BCAR1: variants seen among roughly 807,000 people sequenced by gnomAD.
BCAR1 encodes the protein BCAR1 scaffold protein, Cas family member.
BCAR1 carries 30 observed loss-of-function variants against 67.6 expected under a neutral mutation model. That is an observed-to-expected ratio of 0.44 (90% confidence interval 0.33 to 0.60). The LOEUF is 0.60. Among genes scored for constraint, BCAR1 ranks in the 20% least tolerant of loss-of-function variants. BCAR1 has a pLI of 0.02. For synonymous variants in BCAR1, 626 were observed against 556.7 expected (o/e 1.12, Z -1.75); for missense variants, 1,313 against 1,222.3 (o/e 1.07, Z -1.11).
In BCAR1 at chr16:75,229,410, G is replaced by GCACAGC; in HGVS notation, c.*100_*101insGCTGTG. The GCACAGC allele has an allele frequency of 7.1e-7, 1 of 1,412,908 alleles. No homozygotes were observed. Among genetic ancestry groups the GCACAGC allele is most frequent in the Non-Finnish European group, 9.3e-7 (1 of 1,078,640 alleles). 87.5% of individuals were successfully genotyped at this position (1,412,908 alleles called of 1,614,324 possible). A position where few individuals can be genotyped will look rare whatever the true frequency, so the allele number is the denominator to read the frequency against. ...GGCACCAGGACCGACGCAGAGCTGG[G>GCACAGC]GTCCTGTCCCTAAGCCTGTGGCACA... is the stretch of plus-strand genomic sequence containing the variant. On this transcript the variant is annotated 3_prime_UTR_variant, in exon 7 of 7. Transcript: ENST00000162330.
intron 1 of BCAR1, among the ~76,000 whole-genome samples, chr16:75,244,897 A>G (rs1035540): frequency 0.88 from 133,869 of 152,308 alleles, 59,259 homozygotes; most frequent in East Asian, 0.98. Flanking sequence ...CGTAAAGACA[A>G]GAGAGGGTCA....
At chr16:75,230,128 C>CTT in intron 6 of BCAR1, 105 bp from the exon 7 acceptor site, 1 of 1,387,686 alleles carries the variant, frequency 7.2e-7, no homozygotes, top group Non-Finnish European at 9.7e-7. Context: ...AGGGCCGCTA[C>CTT]TCAGAGTGCA....
Position 75,243,419 on chromosome 16 carries a change from C to T in BCAR1, c.13-329G>A, listed in dbSNP as rs375131510. ...GGCCACTCTGCTACCTGGACCAACACAAGGAGAGCGGCAGTAATCACGACA... is the reference window on the plus strand; with the variant it reads ...GGCCACTCTGCTACCTGGACCAACATAAGGAGAGCGGCAGTAATCACGACA... On this transcript the variant is annotated intron_variant, in intron 1 of 6. Coordinates refer to ENST00000162330, the MANE Select transcript of BCAR1 (RefSeq NM_014567.5). 2.3e-5 allele frequency: 14 copies of T among 602,368 alleles called. No homozygotes were observed. The East Asian group carries it at 2.9e-4, about 13-fold the overall frequency. The allele number at this position is 602,368 out of a possible 1,614,324, so 37.3% of individuals were successfully genotyped here.
At chr16:75,252,706 A>G (rs1363237175), upstream of BCAR1, among the ~76,000 whole-genome samples, 4 of 152,228 alleles carry the variant, frequency 2.6e-5, no homozygotes, top group African/African-American at 9.6e-5. Context: ...GGCTTCACGC[A>G]GCAGAGAATT....
At position 75,232,438 on chromosome 16, in the gene BCAR1, G is replaced by C. The variant is rs539084389; in HGVS notation, c.2100+1408C>G. ...GCCTCCCAATGTGCTGGGATTACAA[G>C]TGTGAGCCACTGTGCCTGGCCACAA... On this transcript the variant is annotated intron_variant, in intron 6 of 6. Coordinates refer to ENST00000162330, the MANE Select transcript of BCAR1 (RefSeq NM_014567.5). Among the ~76,000 whole-genome samples, 6 of 152,336 alleles carry C rather than the reference G, an allele frequency of 3.9e-5. No homozygotes were observed. In the South Asian group the frequency reaches 6.2e-4, roughly 16 times the overall value.
At position 75,234,060 on chromosome 16, in the gene BCAR1, CGCACACGTGGACGCACACACACACTA is replaced by C. The variant is rs1339554287; in HGVS notation, c.2011-151_2011-126del. ...GGTGCTGCGTGTGCGCGCACACACA[CGCACACGTGGACGCACACACACACTA>C]GCACACGTGGACACACACACACACA... is the stretch of plus-strand genomic sequence containing the variant. On this transcript the variant is annotated intron_variant, in intron 5 of 6. Transcript: ENST00000162330. 84 of 815,352 alleles carry C rather than the reference CGCACACGTGGACGCACACACACACTA, an allele frequency of 1.0e-4. 1 individual carries two copies. Among genetic ancestry groups the C allele is most frequent in the South Asian group, 3.1e-5 (2 of 64,358 alleles). 50.5% of individuals were successfully genotyped at this position (815,352 alleles called of 1,614,324 possible). A position where few individuals can be genotyped will look rare whatever the true frequency, so the allele number is the denominator to read the frequency against.
chr16:75,232,115 C>G (rs1189917787), intron 6 of BCAR1, among the ~76,000 whole-genome samples: 10 of 151,846 alleles, frequency 6.6e-5, no homozygotes, highest in Non-Finnish European at 1.5e-5. Context: ...AACTCCCGAC[C>G]TCAGGTGATC....
At chr16:75,253,660 C>G (rs746672339), upstream of BCAR1, among the ~76,000 whole-genome samples, 5 of 152,242 alleles carry the variant, frequency 3.3e-5, no homozygotes, top group Non-Finnish European at 4.4e-5. Context: ...CCCCCAAAAG[C>G]CTGTGCCTCC....
chr16:75,254,522 G>A (rs1000924046), upstream of BCAR1, among the ~76,000 whole-genome samples: 4 of 152,234 alleles, frequency 2.6e-5, no homozygotes, highest in African/African-American at 9.6e-5. Flanking sequence ...TCTGGAGGAT[G>A]GGGGTGGTTA....
chr16:75,241,156 G>A (rs1218791265), intron 2 of BCAR1, among the ~76,000 whole-genome samples: 3 of 152,232 alleles, frequency 2.0e-5, no homozygotes, highest in Admixed American at 6.5e-5. Context: ...GTCTGTGTGT[G>A]GGGTGAGTAT....
At chr16:75,252,144 G>C, upstream of BCAR1, 1 of 1,493,472 alleles carries the variant, frequency 6.7e-7, no homozygotes, top group Non-Finnish European at 9.0e-7. Context: ...GACTGTAGAC[G>C]GTCCCACCGT....
intron 1 of BCAR1, among the ~76,000 whole-genome samples, chr16:75,267,066 C>A (rs1230686453): frequency 6.6e-6 from 1 of 152,186 alleles, no homozygotes; most frequent in African/African-American, 2.4e-5. Context: ...TCCCAAAAGC[C>A]CCCAGTAGCA....
intron 5 of BCAR1, among the ~76,000 whole-genome samples, chr16:75,234,196 C>T (rs2151400347): frequency 7.1e-6 from 1 of 140,332 alleles, no homozygotes; most frequent in South Asian, 2.4e-4. Context: ...CACACACACA[C>T]ACACACTCCC....
At chr16:75,263,612 G>A (rs774483040) in intron 1 of BCAR1, 214 of 985,234 alleles carry the variant, frequency 2.2e-4, no homozygotes, top group Non-Finnish European at 2.5e-4. Flanking sequence ...GTCGCTACCC[G>A]CACAACCAGC....
At chr16:75,238,533 G>T in intron 2 of BCAR1, 1 of 992,646 alleles carries the variant, frequency 1.0e-6, no homozygotes, top group Non-Finnish European at 1.2e-6. Context: ...CTGTGAGGGG[G>T]GCGCTGAGCA....
At chr16:75,243,569 A>G (rs767897994) in intron 1 of BCAR1, 2 of 462,750 alleles carry the variant, frequency 4.3e-6, no homozygotes, top group Non-Finnish European at 8.6e-6. Context: ...TCCTTAACAA[A>G]GTCTATCTAC....
Position 75,229,445 on chromosome 16 carries a change from G to A in BCAR1, c.*66C>T. On this transcript the variant is annotated 3_prime_UTR_variant, in exon 7 of 7. Transcript: ENST00000162330. ...CTAAGCCTGTGGCACAGCGACTCTT[G>A]ACATGGGAGCCAGGGAGCTGGGACC... 1.4e-6 allele frequency: 2 copies of A among 1,454,182 alleles called. No individual in the cohort carries two copies. The highest frequency in any genetic ancestry group is 1.8e-6 in the Non-Finnish European group (2 of 1,104,224). The allele number at this position is 1,454,182 out of a possible 1,614,324, so 90.1% of individuals were successfully genotyped here.
intron 1 of BCAR1, among the ~76,000 whole-genome samples, chr16:75,244,379 C>G (rs1264389742): frequency 6.6e-6 from 1 of 152,270 alleles, no homozygotes; most frequent in Non-Finnish European, 1.5e-5. Context: ...AAACAGGAAG[C>G]AGGAGCCTGT....
At chr16:75,252,546 C>CTATCAT, upstream of BCAR1, 1 of 801,998 alleles carries the variant, frequency 1.2e-6, no homozygotes, top group Non-Finnish European at 1.8e-6. Context: ...GCCCCTGGGC[C>CTATCAT]AGGCCAGGGA....
Sources: allele counts gnomAD v4.1 joint callset (sites outside exome capture counted in the v4.1 genomes callset), GRCh38; gene constraint gnomAD v4.1.1; transcripts MANE v1.5; gene names NCBI Gene and HGNC (gene_info 2026-07-23, HGNC 2026-07-21).